Variants in ESCO2 observed in about 807,000 individuals in gnomAD.
ESCO2 encodes establishment of sister chromatid cohesion N-acetyltransferase 2, also known as N-acetyltransferase ESCO2.
In ESCO2, 51 loss-of-function variants were observed where a neutral mutation model predicts 61.7. The ratio of observed to expected loss-of-function variants is 0.83; its 90% confidence interval spans 0.66 to 1.04. ESCO2 has a LOEUF of 1.04. Ranked by LOEUF, ESCO2 falls within the 50% of genes least tolerant of loss-of-function variation. ESCO2 has a pLI of 0.00. For missense variants in ESCO2, 692 were observed against 686.2 expected (o/e 1.01, Z -0.09); for synonymous variants, 230 against 238.2 (o/e 0.97, Z 0.32).
At chr8:27,784,816 T>C (rs933511680) in intron 5 of ESCO2, among the ~76,000 whole-genome samples, 2 of 152,206 alleles carry the variant, frequency 1.3e-5, no homozygotes, top group Non-Finnish European at 2.9e-5. Flanking sequence ...ACTCCAGATA[T>C]TAAGCAAGGA....
chr8:27,779,987 G>T, intron 3 of ESCO2, 187 bp from the exon 4 acceptor site: 1 of 546,604 alleles, frequency 1.8e-6, no homozygotes, highest in Non-Finnish European at 3.3e-6. Context: ...TAAAGGTAAT[G>T]TACGCTTAGT....
At position 27,788,743 on chromosome 8, in the gene ESCO2, A is replaced by G. The variant is rs1412579558; in HGVS notation, c.1132-104A>G. On this transcript the variant is annotated intron_variant, in intron 6 of 10. Coordinates refer to ENST00000305188, the MANE Select transcript of ESCO2 (RefSeq NM_001017420.3). ...TTAGTTTTTCACTTGTGTCAGCAGG[A>G]AAAAAAAAATTAGGTGAAATTTGAA... 3 of 1,229,904 alleles carry G rather than the reference A, an allele frequency of 2.4e-6. No homozygotes were observed. In the African/African-American group the frequency reaches 4.5e-5, roughly 19 times the overall value. The allele number at this position is 1,229,904 out of a possible 1,614,324, so 76.2% of individuals were successfully genotyped here.
chr8:27,772,581 G>A, upstream of ESCO2: 2 of 1,542,418 alleles, frequency 1.3e-6, no homozygotes, highest in Admixed American at 2.0e-5. Context: ...CGGAGCAGCA[G>A]CGCTCAACTC....
At chr8:27,785,835 G>A (rs996274686) in intron 5 of ESCO2, among the ~76,000 whole-genome samples, 4 of 152,168 alleles carry the variant, frequency 2.6e-5, no homozygotes, top group Non-Finnish European at 5.9e-5. Flanking sequence ...TTCTCAAAGT[G>A]CTTAGTCGCA....
chr8:27,806,181 A>G (rs1805558113), downstream of ESCO2, among the ~76,000 whole-genome samples: 1 of 152,214 alleles, frequency 6.6e-6, no homozygotes, highest in Non-Finnish European at 1.5e-5. Context: ...ATAAGTGCTC[A>G]GTTAAGATGG....
chr8:27,807,484 T>C (rs1805585173), downstream of ESCO2, among the ~76,000 whole-genome samples: 1 of 152,220 alleles, frequency 6.6e-6, no homozygotes, highest in African/African-American at 2.4e-5. Context: ...ATGTTTTTCT[T>C]TTTAATGTTA....
upstream of ESCO2, among the ~76,000 whole-genome samples, chr8:27,772,892 C>T (rs1469172192): frequency 3.9e-5 from 6 of 152,140 alleles, no homozygotes; most frequent in African/African-American, 9.7e-5. Flanking sequence ...AGTTAATGGG[C>T]GCCAAGGGTT....
downstream of ESCO2, chr8:27,808,218 A>G: frequency 8.0e-7 from 1 of 1,248,184 alleles, no homozygotes; most frequent in Non-Finnish European, 1.0e-6. Context: ...AATAGGTACC[A>G]GGAGACATGA....
rs1804796436 is a variant in ESCO2, at chr8:27,776,616, A to G, written c.308A>G (p.Lys103Arg). 1 of 1,614,030 alleles carries G rather than the reference A, an allele frequency of 6.2e-7. No homozygotes were observed. The highest frequency in any genetic ancestry group is 8.5e-7 in the Non-Finnish European group (1 of 1,180,030). ...AATCCACTGGAGAGAAAGCTGATAA[A>G]AGAGAGTAGATCTACTTGTCTAAAA... ...YLNPLERKLI[K>R]ESRSTCLKTN... is the part of the protein sequence containing the mutation. The change falls in exon 3 of 11, where the codon AAA becomes AGA. Residue 103 changes from lysine to arginine, a missense_variant. By Grantham distance (26) the Lys-to-Arg change is conservative. Coordinates refer to ENST00000305188, the MANE Select transcript of ESCO2 (RefSeq NM_001017420.3).
Position 27,805,143 on chromosome 8 carries a change from G to A in ESCO2, c.*1705G>A, listed in dbSNP as rs1337136098. On this transcript the variant is annotated 3_prime_UTR_variant, in exon 11 of 11. Transcript: ENST00000305188. ...TAAAAATACAAAAAATTAGCCGGGC[G>A]CGGTGGCGGGCGCCTGTAGTCCCAG... is the stretch of plus-strand genomic sequence containing the variant. The A allele has an allele frequency of 7.2e-6, 1 of 138,162 alleles. No homozygotes were observed. The highest frequency in any genetic ancestry group is 1.5e-5 in the Non-Finnish European group (1 of 65,470). The allele number at this position is 138,162 out of a possible 1,614,324, so 8.6% of individuals were successfully genotyped here.
In ESCO2 at chr8:27,804,634, T is replaced by C; in HGVS notation, c.*1196T>C. ...CAACTGCTAACTGGCAATAAGACTC[T>C]AGGCAAGTCGTTTTCCAGATTGTAA... On this transcript the variant is annotated 3_prime_UTR_variant, in exon 11 of 11. Transcript: ENST00000305188. 11 of 985,394 alleles carry C rather than the reference T, an allele frequency of 1.1e-5. No homozygotes were observed. Among genetic ancestry groups the C allele is most frequent in the Non-Finnish European group, 1.3e-5 (11 of 829,882 alleles). 61.0% of individuals were successfully genotyped at this position (985,394 alleles called of 1,614,324 possible).
intron 9 of ESCO2, among the ~76,000 whole-genome samples, chr8:27,794,465 G>C (rs1027160422): frequency 8.6e-5 from 13 of 151,878 alleles, no homozygotes; most frequent in Admixed American, 8.5e-4. Context: ...TTGTTTTCTT[G>C]GTATTGGGTT....
chr8:27,817,471 ATG>A (rs902407280), downstream of ESCO2, among the ~76,000 whole-genome samples: 3 of 152,132 alleles, frequency 2.0e-5, no homozygotes. Context: ...TGCAGATTTA[ATG>A]TGTTAGTATC....
At chr8:27,792,590 A>G (rs370023297) in intron 8 of ESCO2, 78 bp from the exon 9 acceptor site, 4 of 1,410,746 alleles carry the variant, frequency 2.8e-6, no homozygotes, top group Non-Finnish European at 2.9e-6. Context: ...GTAATCATAC[A>G]TTCTGTGTAT....
chr8:27,788,850 G>T lies in ESCO2; in HGVS notation c.1135G>T (p.Ala379Ser). Residue 379 changes from alanine (A) to serine (S), a missense_variant, in exon 7 of 11, where the codon GCT (alanine) becomes TCT (serine). Transcript: ENST00000305188. Reference protein sequence around the residue: ...KKTKDQLIIDAGQKHFGATVC... With the variant: ...KKTKDQLIIDSGQKHFGATVC... ...TTTTTTTACCCCCCAATTATAGGAC[G>T]CTGGTCAGAAACATTTTGGGGCTAC... 5.0e-6 allele frequency: 8 copies of T among 1,614,008 alleles called. No individual in the cohort carries two copies. Among genetic ancestry groups the T allele is most frequent in the Non-Finnish European group, 5.9e-6 (7 of 1,179,972 alleles).
At chr8:27,772,429 G>A, upstream of ESCO2, 3 of 1,378,050 alleles carry the variant, frequency 2.2e-6, no homozygotes, top group Non-Finnish European at 3.0e-6. Context: ...TTTAGAGCGA[G>A]GGTCAGGCGC....
At chr8:27,792,637 A>AT (rs1805202773) in intron 8 of ESCO2, 31 bp from the exon 9 acceptor site, 1 of 1,606,362 alleles carries the variant, frequency 6.2e-7, no homozygotes, top group Non-Finnish European at 8.5e-7. Flanking sequence ...TTTTTAAAAC[A>AT]TTCACCTGTC....
At chr8:27,772,710 G>T, upstream of ESCO2, 1 of 626,504 alleles carries the variant, frequency 1.6e-6, no homozygotes, top group Non-Finnish European at 2.8e-6. Context: ...TTTAATCCTG[G>T]CGAGGCGAAG....
upstream of ESCO2, chr8:27,772,111 T>A (rs1319571975): frequency 9.1e-6 from 2 of 220,456 alleles, no homozygotes; most frequent in Non-Finnish European, 1.8e-5. Flanking sequence ...AGCAGGTGTC[T>A]CCTTTCTCAC....
Sources: allele counts gnomAD v4.1 joint callset (sites outside exome capture counted in the v4.1 genomes callset), GRCh38; gene constraint gnomAD v4.1.1; transcripts MANE v1.5; gene names NCBI Gene and HGNC (gene_info 2026-07-23, HGNC 2026-07-21).